The following EXT1 variants were observed in gnomAD, a reference collection of about 807,000 sequenced individuals.
The protein encoded by EXT1 is exostosin-1.
Under a neutral mutation model 82.5 loss-of-function variants are expected in EXT1, and 20 were observed. The ratio of observed to expected loss-of-function variants is 0.24; its 90% CI spans 0.17 to 0.35. The LOEUF is 0.35. EXT1 is among the 10% of genes least tolerant of loss of function. The pLI is 1.00. For synonymous variants in EXT1, 348 were observed against 350.8 expected (o/e 0.99, Z 0.09); for missense variants, 757 against 936.5 (o/e 0.81, Z 2.50).
chr8:118,043,718 C>T (rs1816574611), intron 1 of EXT1, among the ~76,000 whole-genome samples: 1 of 152,206 alleles, frequency 6.6e-6, no homozygotes, highest in African/African-American at 2.4e-5. Flanking sequence ...CATAACACCT[C>T]ACACAATGTG....
intron 1 of EXT1, among the ~76,000 whole-genome samples, chr8:118,095,817 G>A (rs1030216972): frequency 6.6e-6 from 1 of 152,122 alleles, no homozygotes; most frequent in Non-Finnish European, 1.5e-5. Flanking sequence ...TGCAATACAG[G>A]ACACCCTCTA....
At chr8:118,039,075 A>C (rs1586357716) in intron 1 of EXT1, among the ~76,000 whole-genome samples, 2 of 152,122 alleles carry the variant, frequency 1.3e-5, no homozygotes, top group Non-Finnish European at 2.9e-5. Context: ...TTTCTAATTC[A>C]CTCCACTGTA....
At chr8:117,903,099 T>C (rs762027105) in intron 1 of EXT1, among the ~76,000 whole-genome samples, 2 of 152,222 alleles carry the variant, frequency 1.3e-5, no homozygotes, top group Admixed American at 6.5e-5. Context: ...GACACAACAT[T>C]GTTTTTGTTT....
rs1815363222 is a variant in EXT1 at position 117,988,374 on chromosome 8, A to T, written c.962+121711T>A. On this transcript the variant is annotated intron_variant, in intron 1 of 10. Coordinates refer to ENST00000378204, the MANE Select transcript of EXT1 (RefSeq NM_000127.3). ...CAAGGCTCACTAAATTAGGGAGGTCATTACAAAGTGTAGATTCCTGGGCCC... is the reference window on the plus strand; with the variant it reads ...CAAGGCTCACTAAATTAGGGAGGTCTTTACAAAGTGTAGATTCCTGGGCCC... 2.0e-5 allele frequency among the ~76,000 whole-genome samples: 3 copies of T among 152,198 alleles called. No individual in the cohort carries two copies. The South Asian group carries it at 6.2e-4, about 31-fold the overall frequency.
intron 1 of EXT1, among the ~76,000 whole-genome samples, chr8:118,088,443 C>A (rs1314858384): frequency 6.7e-6 from 1 of 148,464 alleles, no homozygotes; most frequent in African/African-American, 2.5e-5. Context: ...GCAGCCACCA[C>A]AGAAGGACAT....
In EXT1 at chr8:117,798,304, C is replaced by T. The variant is rs939159873; in HGVS notation, c.*1408G>A. On this transcript the variant is annotated 3_prime_UTR_variant, in exon 11 of 11. Transcript: ENST00000378204. ...ATTCAGCATAATACATGGTCAAACT[C>T]AATAATGTCTTTCTCTTCCCTGTTT... is the stretch of plus-strand genomic sequence containing the variant. 5.3e-5 allele frequency: 8 copies of T among 152,122 alleles called. No homozygotes were observed. The highest frequency in any genetic ancestry group is 1.0e-4 in the Non-Finnish European group (7 of 68,020). 9.4% of individuals were successfully genotyped at this position (152,122 alleles called of 1,614,324 possible).
In EXT1 at chr8:117,807,401, C is replaced by T. The variant is rs753588845; in HGVS notation, c.1723-24G>A. On this transcript the variant is annotated intron_variant, in intron 8 of 10. Coordinates refer to ENST00000378204, the MANE Select transcript of EXT1 (RefSeq NM_000127.3). ...ACCTGCAGGCAGAACACAAGCCAAA[C>T]AAGCAATCAACAGTGTTAACAAATG... is the stretch of plus-strand genomic sequence containing the variant. 54 of 1,613,960 alleles carry T rather than the reference C, an allele frequency of 3.3e-5. No individual in the cohort carries two copies. In the South Asian group the frequency reaches 5.8e-4, roughly 17 times the overall value.
At chr8:117,836,275 C>G (rs1163567899) in intron 2 of EXT1, among the ~76,000 whole-genome samples, 1 of 152,128 alleles carries the variant, frequency 6.6e-6, no homozygotes, top group African/African-American at 2.4e-5. Flanking sequence ...TTAGTGATGG[C>G]ATGCTATGCA....
chr8:117,994,775 T>C (rs1815502927), intron 1 of EXT1, among the ~76,000 whole-genome samples: 1 of 152,198 alleles, frequency 6.6e-6, no homozygotes, highest in Non-Finnish European at 1.5e-5. Context: ...TTACAGTATC[T>C]TGTACATCTG....
chr8:117,906,787 T>C (rs530929623), intron 1 of EXT1, among the ~76,000 whole-genome samples: 106 of 152,336 alleles, frequency 7.0e-4, no homozygotes, highest in African/African-American at 2.5e-3. Context: ...GGTTTACACC[T>C]ATTTTAAGGA....
intron 1 of EXT1, among the ~76,000 whole-genome samples, chr8:118,081,296 C>T (rs1457709099): frequency 6.6e-6 from 1 of 152,160 alleles, no homozygotes; most frequent in Non-Finnish European, 1.5e-5. Context: ...GAAAAAGAAA[C>T]ATTTTGCAGT....
At chr8:118,027,900 G>A (rs1816232615) in intron 1 of EXT1, among the ~76,000 whole-genome samples, 1 of 152,144 alleles carries the variant, frequency 6.6e-6, no homozygotes, top group South Asian at 2.1e-4. Context: ...AGAGTTTACA[G>A]TTATCAACAA....
chr8:118,029,471 G>A (rs1423695264), intron 1 of EXT1, among the ~76,000 whole-genome samples: 5 of 151,884 alleles, frequency 3.3e-5, no homozygotes, highest in African/African-American at 1.2e-4. Context: ...CTCTTTTAAG[G>A]GCCATGGCAT....
At chr8:118,094,949 T>G (rs746826240) in intron 1 of EXT1, among the ~76,000 whole-genome samples, 12 of 152,356 alleles carry the variant, frequency 7.9e-5, no homozygotes, top group Non-Finnish European at 1.2e-4. Flanking sequence ...CAAAACTGTC[T>G]GATATCAAAT....
At chr8:117,843,427 C>A (rs1812304167) in intron 1 of EXT1, among the ~76,000 whole-genome samples, 1 of 152,126 alleles carries the variant, frequency 6.6e-6, no homozygotes, top group Non-Finnish European at 1.5e-5. Context: ...GGAAGTGAGA[C>A]CCTGAGCTAA....
intron 1 of EXT1, among the ~76,000 whole-genome samples, chr8:117,985,566 A>C (rs1182602494): frequency 2.0e-5 from 3 of 152,194 alleles, no homozygotes; most frequent in Non-Finnish European, 4.4e-5. Flanking sequence ...TCTAAGTAGA[A>C]GGAGATGCTG....
chr8:117,918,102 T>C (rs1055290505), intron 1 of EXT1, among the ~76,000 whole-genome samples: 8 of 152,188 alleles, frequency 5.3e-5, no homozygotes, highest in Non-Finnish European at 1.0e-4. Context: ...CCTCCCGTAA[T>C]GCAGCTTTAA....
At chr8:117,879,871 A>C (rs185390686) in intron 1 of EXT1, among the ~76,000 whole-genome samples, 1 of 152,232 alleles carries the variant, frequency 6.6e-6, no homozygotes, top group African/African-American at 2.4e-5. Flanking sequence ...TATGATTCAA[A>C]ATCCATACAC....
intron 1 of EXT1, among the ~76,000 whole-genome samples, chr8:118,079,337 A>G (rs541018553): frequency 6.6e-6 from 1 of 152,364 alleles, no homozygotes; most frequent in Non-Finnish European, 1.5e-5. Flanking sequence ...CCCTCTGTGC[A>G]TGAAGAGTAT....
Sources: gnomAD v4.1 joint callset for allele counts (sites outside exome capture counted in the v4.1 genomes callset) on GRCh38, gnomAD v4.1.1 for gene constraint, MANE v1.5 for transcripts, NCBI Gene and HGNC (gene_info 2026-07-23, HGNC 2026-07-21) for gene names.